Variants in DYM observed in about 807,000 individuals in gnomAD.
DYM encodes the protein dymeclin, also known as dyggve-Melchior-Clausen syndrome protein.
In DYM, 78 loss-of-function variants were observed where a neutral mutation model predicts 93.1. That is an observed-to-expected ratio of 0.84 (90% CI 0.70 to 1.01). The LOEUF (loss-of-function observed/expected upper bound fraction) is 1.01. Ranked by LOEUF, DYM falls within the 50% of genes least tolerant of loss-of-function variation. The probability of loss-of-function intolerance (pLI) is 0.00; values close to 1 mark genes in which losing one functional copy is unlikely to be tolerated. For synonymous variants in DYM, 321 were observed against 319.7 expected, an observed-to-expected ratio of 1.00 and a Z score of -0.04; for missense variants, 789 against 845.0, an observed-to-expected ratio of 0.93 and a Z score of 0.82.
intron 2 of DYM, among the ~76,000 whole-genome samples, chr18:49,396,901 T>C (rs1028212891): frequency 1.3e-5 from 2 of 152,174 alleles, no homozygotes; most frequent in Non-Finnish European, 2.9e-5. Flanking sequence ...ATAGTGGTAC[T>C]GAAGGCTGGG....
chr18:49,272,430 C>A (rs2094729346), intron 10 of DYM, 127 bp from the exon 11 acceptor site: 13 of 679,916 alleles, frequency 1.9e-5, no homozygotes, highest in Admixed American at 5.5e-5. Flanking sequence ...AGAGAAAAAA[C>A]CATATAAACC....
chr18:49,063,858 G>A (rs2076188964), intron 17 of DYM, among the ~76,000 whole-genome samples: 1 of 151,996 alleles, frequency 6.6e-6, no homozygotes, highest in South Asian at 2.1e-4. Context: ...TGAACGCCTG[G>A]CCTCAAGTGA....
intron 5 of DYM, among the ~76,000 whole-genome samples, chr18:49,377,173 T>C (rs563745497): frequency 3.8e-4 from 58 of 152,358 alleles, no homozygotes; most frequent in African/African-American, 8.9e-4. Context: ...TTCCATAAGA[T>C]TTTTGCCATC....
Position 49,333,853 on chromosome 18 carries a change from T to C in DYM, c.495A>G (p.Leu165=). The C allele has an allele frequency of 6.2e-7, 1 of 1,607,276 alleles. No homozygotes were observed. Among genetic ancestry groups the C allele is most frequent in the Admixed American group, 1.7e-5 (1 of 59,994 alleles). ...CTACTGATATTTCATATGTAATATC[T>C]CTAAAATGGAAGAAAAACAGAGTAA... ...LMQLITDIPL[L]DITYEISVEA... is the part of the protein sequence containing the mutation. Residue 165 remains leucine, a splice_region_variant and synonymous_variant, in exon 7 of 18, where the codon TTA becomes TTG. Coordinates refer to ENST00000675505, the MANE Select transcript of DYM (RefSeq NM_001353214.3).
chr18:49,441,262 T>TATAA, intron 1 of DYM, among the ~76,000 whole-genome samples: 1 of 34,206 alleles, frequency 2.9e-5, no homozygotes, highest in East Asian at 2.7e-3. Flanking sequence ...TTATATATAA[T>TATAA]TATATAATAT....
intron 14 of DYM, among the ~76,000 whole-genome samples, chr18:49,180,362 A>T (rs554337016): frequency 1.8e-4 from 27 of 152,226 alleles, no homozygotes; most frequent in African/African-American, 6.0e-4. Context: ...ATTTTCATAA[A>T]TGGGAATCAT....
intron 8 of DYM, among the ~76,000 whole-genome samples, chr18:49,320,562 T>C (rs1053742397): frequency 3.9e-5 from 6 of 152,086 alleles, no homozygotes; most frequent in East Asian, 3.9e-4. Context: ...GCAACTTTCA[T>C]CTCCCGGGTT....
chr18:49,056,831 G>A (rs1169211783), intron 17 of DYM, among the ~76,000 whole-genome samples: 1 of 152,164 alleles, frequency 6.6e-6, no homozygotes, highest in Non-Finnish European at 1.5e-5. Flanking sequence ...ACAGGCGTGA[G>A]CCACCGCGCC....
chr18:49,050,856 A>G (rs1158873925), intron 17 of DYM, among the ~76,000 whole-genome samples: 1 of 152,194 alleles, frequency 6.6e-6, no homozygotes, highest in Admixed American at 6.5e-5. Flanking sequence ...GGTTCTAAGA[A>G]GGCAGGGACC....
intron 14 of DYM, among the ~76,000 whole-genome samples, chr18:49,171,628 ACAAAC>A (rs2088739236): frequency 6.6e-6 from 1 of 152,192 alleles, no homozygotes; most frequent in African/African-American, 2.4e-5. Context: ...AGTGGGAGCT[ACAAAC>A]CAAATCTCAC....
Position 49,430,305 on chromosome 18 carries a change from G to C in DYM, c.90C>G (p.Asp30Glu). 1 of 1,614,020 alleles carries C rather than the reference G, an allele frequency of 6.2e-7. No individual in the cohort carries two copies. The highest frequency in any genetic ancestry group is 8.5e-7 in the Non-Finnish European group (1 of 1,180,004). The change falls in exon 2 of 18, where the codon GAC becomes GAG. Residue 30 changes from aspartate (D) to glutamate (E), a missense_variant. Coordinates refer to ENST00000675505, the MANE Select transcript of DYM (RefSeq NM_001353214.3). ...LSGTESISENDPFWNQLLSFS... is the reference protein window; with the variant it reads ...LSGTESISENEPFWNQLLSFS... ...ATGAGAGAAGCTGATTCCAGAACGGGTCATTCTCAGAGATAGATTCCGTGC... is the reference window on the plus strand; with the variant it reads ...ATGAGAGAAGCTGATTCCAGAACGGCTCATTCTCAGAGATAGATTCCGTGC...
At chr18:49,255,672 C>CA (rs1172353065) in intron 13 of DYM, among the ~76,000 whole-genome samples, 8,567 of 75,108 alleles carry the variant, frequency 0.11, 308 homozygotes, top group Middle Eastern at 0.18. Context: ...GACTCTGTCT[C>CA]AAAAAAAAAA....
intron 17 of DYM, among the ~76,000 whole-genome samples, chr18:49,078,301 T>G (rs1308910729): frequency 6.6e-6 from 1 of 152,112 alleles, no homozygotes; most frequent in Non-Finnish European, 1.5e-5. Context: ...GATACCCCAT[T>G]CTCCATGATG....
At chr18:49,372,057 A>G (rs1235773728) in intron 5 of DYM, among the ~76,000 whole-genome samples, 5 of 152,210 alleles carry the variant, frequency 3.3e-5, no homozygotes, top group Non-Finnish European at 5.9e-5. Flanking sequence ...ACTTTGCTCA[A>G]TTGTTTGCAG....
At chr18:49,084,394 G>C (rs1479671205) in intron 17 of DYM, among the ~76,000 whole-genome samples, 1 of 152,158 alleles carries the variant, frequency 6.6e-6, no homozygotes, top group South Asian at 2.1e-4. Context: ...ATCCTGGAGA[G>C]TGTTCCATGT....
At chr18:49,174,208 A>G (rs891700248) in intron 14 of DYM, among the ~76,000 whole-genome samples, 1 of 131,416 alleles carries the variant, frequency 7.6e-6, no homozygotes, top group Non-Finnish European at 1.6e-5. Flanking sequence ...ATGGGTCCCA[A>G]TGGTATCTTT....
intron 8 of DYM, among the ~76,000 whole-genome samples, chr18:49,308,288 G>GTATATATATA (rs1340030482): frequency 1.3e-4 from 14 of 105,852 alleles, no homozygotes; most frequent in African/African-American, 4.5e-4. Flanking sequence ...ACACTTGTGT[G>GTATATATATA]TGTATATATA....
intron 17 of DYM, among the ~76,000 whole-genome samples, chr18:49,053,220 C>T (rs2075180353): frequency 6.6e-6 from 1 of 152,108 alleles, no homozygotes; most frequent in Admixed American, 6.5e-5. Context: ...GACTTGGGTG[C>T]AACAAGCAGA....
At chr18:49,079,165 C>T (rs559475103) in intron 17 of DYM, among the ~76,000 whole-genome samples, 1 of 152,220 alleles carries the variant, frequency 6.6e-6, no homozygotes, top group South Asian at 2.1e-4. Flanking sequence ...CATCTCCTTT[C>T]TCTGCTGGAA....
Sources: gnomAD v4.1 joint callset for allele counts (sites outside exome capture counted in the v4.1 genomes callset) on GRCh38, gnomAD v4.1.1 for gene constraint, MANE v1.5 for transcripts, NCBI Gene and HGNC (gene_info 2026-07-23, HGNC 2026-07-21) for gene names.